The following FBXL18 variants were observed in gnomAD, a reference collection of about 807,000 sequenced individuals.
The protein encoded by FBXL18 is F-box and leucine rich repeat protein 18, also known as F-box/LRR-repeat protein 18.
FBXL18 carries 36 observed loss-of-function variants against 46.0 expected under a neutral mutation model. The ratio of observed to expected loss-of-function variants is 0.78; its 90% CI spans 0.60 to 1.03. The LOEUF (loss-of-function observed/expected upper bound fraction) is 1.03, where lower values mean the gene tolerates loss of function less well. FBXL18 is among the 50% of genes least tolerant of loss of function. FBXL18 has a pLI of 0.00. For missense variants in FBXL18, 977 were observed against 1,004.1 expected (o/e 0.97, Z 0.36); for synonymous variants, 557 against 465.3 (o/e 1.20, Z -2.54).
chr7:5,499,547 T>G (rs12534135), intron 3 of FBXL18, among the ~76,000 whole-genome samples: 141,012 of 151,998 alleles, frequency 0.93, 65,503 homozygotes, highest in African/African-American at 0.98. Flanking sequence ...TGGCCAATAC[T>G]GCAAAACCCC....
At chr7:5,482,794 G>C (rs1783681928) in intron 4 of FBXL18, among the ~76,000 whole-genome samples, 1 of 152,136 alleles carries the variant, frequency 6.6e-6, no homozygotes, top group African/African-American at 2.4e-5. Context: ...CCCAACACCT[G>C]GGAGGCTGAG....
intron 4 of FBXL18, among the ~76,000 whole-genome samples, chr7:5,465,934 C>T (rs1017852777): frequency 2.0e-5 from 3 of 151,900 alleles, no homozygotes; most frequent in African/African-American, 7.3e-5. Context: ...TCTCCTGCCT[C>T]AGCCTCCCGA....
At chr7:5,471,174 G>A (rs1050039195), downstream of FBXL18, among the ~76,000 whole-genome samples, 12 of 152,280 alleles carry the variant, frequency 7.9e-5, no homozygotes, top group East Asian at 1.9e-4. Flanking sequence ...TTCAACGCCC[G>A]CAATAAATCA....
At chr7:5,460,530 C>A (rs57214174) in intron 4 of FBXL18, among the ~76,000 whole-genome samples, 1 of 152,176 alleles carries the variant, frequency 6.6e-6, no homozygotes. Context: ...CTCCGCTCAC[C>A]GCAACCTCTG....
intron 4 of FBXL18, among the ~76,000 whole-genome samples, chr7:5,464,787 G>C (rs1360086751): frequency 6.6e-6 from 1 of 151,504 alleles, no homozygotes; most frequent in Non-Finnish European, 1.5e-5. Flanking sequence ...CCAGTGGCTG[G>C]GCGTGGTGGC....
intron 4 of FBXL18, among the ~76,000 whole-genome samples, chr7:5,454,733 G>A (rs772138247): frequency 6.6e-6 from 1 of 152,138 alleles, no homozygotes; most frequent in African/African-American, 2.4e-5. Flanking sequence ...CCTGGGAGCC[G>A]AGGACAGGGA....
In FBXL18 at chr7:5,479,079, T is replaced by C. The variant is rs1447207488; in HGVS notation, c.*2696A>G. 2 of 152,122 alleles carry C rather than the reference T, an allele frequency of 1.3e-5. No individual in the cohort carries two copies. The highest frequency in any genetic ancestry group is 4.8e-5 in the African/African-American group (2 of 41,424). The allele number at this position is 152,122 out of a possible 1,614,324, so 9.4% of individuals were successfully genotyped here. A position where few individuals can be genotyped will look rare whatever the true frequency, so the allele number is the denominator to read the frequency against. ...CGTTATTAACATCTGGTGAAGCCCA[T>C]CTCGGGGGTAGCAGCAGCGGAAATT... On this transcript the variant is annotated 3_prime_UTR_variant, in exon 5 of 5. Transcript: ENST00000382368.
At chr7:5,500,376 C>T in intron 3 of FBXL18, 112 bp downstream of exon 3, 5 of 1,021,318 alleles carry the variant, frequency 4.9e-6, no homozygotes, top group Non-Finnish European at 7.1e-6. Context: ...GAGGCCCCGC[C>T]CCAGCCTCTG....
At chr7:5,482,958 A>G (rs1370776053) in intron 4 of FBXL18, among the ~76,000 whole-genome samples, 3 of 151,822 alleles carry the variant, frequency 2.0e-5, no homozygotes, top group Non-Finnish European at 4.4e-5. Context: ...GGACCACTTG[A>G]GCCCAGGAGG....
In FBXL18 at chr7:5,455,969, G is replaced by A. The variant is rs1026135131; in HGVS notation, c.2001-8126C>T. Reference sequence around the variant, plus strand: ...CCCTGCCGCATTTCGTTCCCTCTGTGCTCCTTCCCCAGTGTCACTCCTCCT... The same window carrying A: ...CCCTGCCGCATTTCGTTCCCTCTGTACTCCTTCCCCAGTGTCACTCCTCCT... On this transcript the variant is annotated intron_variant and NMD_transcript_variant, in intron 4 of 6. Transcript: ENST00000415009. This position sits in a 1 kb window ranked among gnomAD's most constrained non-coding sequence, Gnocchi z 4.6. Among the ~76,000 whole-genome samples, 1 of 152,038 alleles carries A rather than the reference G, an allele frequency of 6.6e-6. No individual in the cohort carries two copies. Among genetic ancestry groups the A allele is most frequent in the East Asian group, 1.9e-4 (1 of 5,196 alleles).
intron 3 of FBXL18, among the ~76,000 whole-genome samples, chr7:5,494,926 G>A (rs954377202): frequency 6.6e-6 from 1 of 152,246 alleles, no homozygotes; most frequent in African/African-American, 2.4e-5. Context: ...CCGCCCCGGA[G>A]GAAGTCACCT....
chr7:5,513,641 C>G lies in FBXL18; in HGVS notation c.18+16G>C. The G allele has an allele frequency of 1.2e-6, 2 of 1,612,008 alleles. No individual in the cohort carries two copies. Among genetic ancestry groups the G allele is most frequent in the Non-Finnish European group, 1.7e-6 (2 of 1,179,074 alleles). On this transcript the variant is annotated intron_variant, in intron 1 of 4. Coordinates refer to ENST00000382368, the MANE Select transcript of FBXL18 (RefSeq NM_024963.6). ...CGCCGAGGCAGAAGCAGAGCGGAGA[C>G]AGTCGCGGACAGTACCTCTCCGGAG...
chr7:5,459,219 G>A lies in FBXL18; in HGVS notation c.2001-11376C>T, dbSNP rs114414141. ...TGTGACCTACTCCAGAACTCAGGCCGGCGGTAGGATTTTACCAGACACAGG... is the reference window on the plus strand; with the variant it reads ...TGTGACCTACTCCAGAACTCAGGCCAGCGGTAGGATTTTACCAGACACAGG... On this transcript the variant is annotated intron_variant and NMD_transcript_variant, in intron 4 of 6. Coordinates refer to the FBXL18 transcript ENST00000415009. 7.8e-3 allele frequency among the ~76,000 whole-genome samples: 1,184 copies of A among 152,308 alleles called. 21 individuals carry two copies. The highest frequency in any genetic ancestry group is 0.027 in the African/African-American group (1,116 of 41,564).
At chr7:5,484,227 G>A (rs552455518) in intron 4 of FBXL18, among the ~76,000 whole-genome samples, 1 of 152,230 alleles carries the variant, frequency 6.6e-6, no homozygotes, top group East Asian at 1.9e-4. Flanking sequence ...CAGCACTTTG[G>A]GAGGCCAAGG....
rs1165601749 is a variant in FBXL18 at position 5,481,934 on chromosome 7, G to T, written c.2001-3C>A. 1 of 1,599,990 alleles carries T rather than the reference G, an allele frequency of 6.3e-7. No homozygotes were observed. The highest frequency in any genetic ancestry group is 8.5e-7 in the Non-Finnish European group (1 of 1,172,082). On this transcript the variant is annotated splice_region_variant and splice_polypyrimidine_tract_variant and intron_variant, in intron 4 of 4. Transcript: ENST00000382368. ...ACGCGGGCCGCTCGGCCTGGAAGCT[G>T]AACCAGAGACAGGCGGTCAGCGGAT...
intron 1 of FBXL18, among the ~76,000 whole-genome samples, chr7:5,506,685 T>C (rs2128238608): frequency 6.6e-6 from 1 of 152,108 alleles, no homozygotes; most frequent in Middle Eastern, 3.4e-3. Flanking sequence ...GCCTCCTGAG[T>C]ACCTGGGATT....
chr7:5,472,530 C>T (rs1253790229), downstream of FBXL18, among the ~76,000 whole-genome samples: 1 of 151,834 alleles, frequency 6.6e-6, no homozygotes, highest in South Asian at 2.1e-4. Context: ...CCACTTAGAC[C>T]ACATGGAGAG....
At chr7:5,490,808 A>T (rs900052148) in intron 4 of FBXL18, among the ~76,000 whole-genome samples, 41 of 152,274 alleles carry the variant, frequency 2.7e-4, no homozygotes, top group Middle Eastern at 3.4e-3. Context: ...TTACTAAAAT[A>T]CAAAATACAT....
downstream of FBXL18, among the ~76,000 whole-genome samples, chr7:5,472,988 C>A (rs1448037978): frequency 1.3e-5 from 2 of 152,126 alleles, no homozygotes; most frequent in South Asian, 2.1e-4. Flanking sequence ...GGCTTCCTCG[C>A]TGCACACATT....
Sources: allele counts gnomAD v4.1 joint callset (sites outside exome capture counted in the v4.1 genomes callset), GRCh38; gene constraint gnomAD v4.1.1; non-coding constraint Gnocchi (gnomAD v3.1); transcripts MANE v1.5; gene names NCBI Gene and HGNC (gene_info 2026-07-23, HGNC 2026-07-21).